Variants in RASGRP1 observed in about 807,000 individuals in gnomAD.
RASGRP1 encodes RAS guanyl releasing protein 1.
A neutral mutation model predicts 95.1 loss-of-function variants in RASGRP1; 37 were observed. The observed-to-expected ratio is 0.39, with a 90% CI of 0.30 to 0.51. The LOEUF (loss-of-function observed/expected upper bound fraction) is 0.51. Among genes scored for constraint, RASGRP1 ranks in the 20% least tolerant of loss-of-function variants. RASGRP1 has a pLI of 0.80. For synonymous variants in RASGRP1, 325 were observed against 353.4 expected, an observed-to-expected ratio of 0.92 and a Z score of 0.90; for missense variants, 711 against 965.4, an observed-to-expected ratio of 0.74 and a Z score of 3.49.
rs1280559371 is a variant in RASGRP1 at position 38,489,559 on chromosome 15, G to A, written c.*995C>T. 6.6e-6 allele frequency: 1 copy of A among 152,400 alleles called. No homozygotes were observed. The highest frequency in any genetic ancestry group is 1.5e-5 in the Non-Finnish European group (1 of 67,918). The allele number at this position is 152,400 out of a possible 1,614,324, so 9.4% of individuals were successfully genotyped here. ...TTGTATATACATATTATATACATAT[G>A]TACACACAGTCAGCTATTATTTAAG... On this transcript the variant is annotated 3_prime_UTR_variant, in exon 17 of 17. Transcript: ENST00000310803.
chr15:38,491,483 A>G (rs1036730854), intron 16 of RASGRP1, among the ~76,000 whole-genome samples: 3 of 152,234 alleles, frequency 2.0e-5, no homozygotes, highest in African/African-American at 4.8e-5. Context: ...ATGTTGCCGT[A>G]TAGTATAAAA....
At chr15:38,498,226 T>G (rs1595820763) in intron 15 of RASGRP1, among the ~76,000 whole-genome samples, 1 of 152,300 alleles carries the variant, frequency 6.6e-6, no homozygotes, top group East Asian at 1.9e-4. Flanking sequence ...TCTCTGTTAC[T>G]ATGCAGAAAT....
chr15:38,523,061 T>C (rs895031381), intron 3 of RASGRP1, among the ~76,000 whole-genome samples: 27 of 151,918 alleles, frequency 1.8e-4, no homozygotes, highest in Admixed American at 3.9e-4. Context: ...ATTTCTGAAG[T>C]AGAAACCCTA....
At chr15:38,514,634 G>A (rs1891686507) in intron 6 of RASGRP1, among the ~76,000 whole-genome samples, 1 of 152,158 alleles carries the variant, frequency 6.6e-6, no homozygotes, top group Non-Finnish European at 1.5e-5. Flanking sequence ...CCCTGAGATA[G>A]TCTTCTATGA....
intron 6 of RASGRP1, 112 bp from the exon 7 acceptor site, chr15:38,513,068 C>CA: frequency 8.7e-7 from 1 of 1,143,542 alleles, no homozygotes; most frequent in Non-Finnish European, 1.2e-6. Context: ...TGGGAACTGC[C>CA]ATGGAACAGA....
chr15:38,510,937 T>C (rs1247382834), intron 8 of RASGRP1, among the ~76,000 whole-genome samples: 2 of 152,184 alleles, frequency 1.3e-5, no homozygotes, highest in African/African-American at 2.4e-5. Flanking sequence ...TGCTCCAGCC[T>C]TGATGACAGA....
At chr15:38,497,520 A>G (rs1890841555) in intron 15 of RASGRP1, among the ~76,000 whole-genome samples, 1 of 151,934 alleles carries the variant, frequency 6.6e-6, no homozygotes, top group Non-Finnish European at 1.5e-5. Flanking sequence ...TTCCTTCAAG[A>G]CTTAGCTGAA....
At chr15:38,549,354 A>T (rs1893237942) in intron 2 of RASGRP1, among the ~76,000 whole-genome samples, 1 of 152,212 alleles carries the variant, frequency 6.6e-6, no homozygotes, top group Admixed American at 6.5e-5. Context: ...ATAGTCTATA[A>T]CTACATTCCA....
At chr15:38,502,928 G>C (rs1366272830) in intron 11 of RASGRP1, 2 of 314,456 alleles carry the variant, frequency 6.4e-6, no homozygotes, top group African/African-American at 4.3e-5. Context: ...ACAGAGAATT[G>C]AATTAAGCAG....
At position 38,498,782 on chromosome 15, in the gene RASGRP1, G is replaced by T. The variant is rs529927657; in HGVS notation, c.1873+12C>A. The stretch of plus-strand genomic sequence containing the variant: ...TCACTTTCCAAGATGAATGTTCCCA[G>T]TGCCTACTTACCATGGAGCAGATCT... On this transcript the variant is annotated intron_variant, in intron 15 of 16. Transcript: ENST00000310803. The T allele has an allele frequency of 6.2e-7, 1 of 1,610,212 alleles. No individual in the cohort carries two copies. Among genetic ancestry groups the T allele is most frequent in the South Asian group, 1.1e-5 (1 of 90,818 alleles).
chr15:38,509,571 A>G (rs1212906080), intron 8 of RASGRP1, among the ~76,000 whole-genome samples: 1 of 152,120 alleles, frequency 6.6e-6, no homozygotes, highest in African/African-American at 2.4e-5. Flanking sequence ...TACTAAAAAT[A>G]CAAAATTAAC....
At chr15:38,493,271 G>A (rs915089787) in intron 16 of RASGRP1, among the ~76,000 whole-genome samples, 43 of 144,026 alleles carry the variant, frequency 3.0e-4, no homozygotes, top group African/African-American at 1.0e-3. Flanking sequence ...TCCACCTCCC[G>A]GGTTCAAGTG....
chr15:38,509,604 T>TA (rs756970590), intron 8 of RASGRP1, among the ~76,000 whole-genome samples: 89 of 152,258 alleles, frequency 5.8e-4, no homozygotes, highest in Non-Finnish European at 1.0e-3. Flanking sequence ...CACACGCCTG[T>TA]AGTCCCAGCT....
Position 38,554,123 on chromosome 15 carries a change from G to A in RASGRP1, c.220+5698C>T, listed in dbSNP as rs117010632. On this transcript the variant is annotated intron_variant, in intron 2 of 16. Transcript: ENST00000310803. ...AACACACTCCCTGATTATTCCTCAC[G>A]CCAAAGTTGGAGAATCTCTGGAGTA... Among the ~76,000 whole-genome samples the A allele has an allele frequency of 5.7e-5, 8 of 140,976 alleles. No homozygotes were observed. The East Asian group carries it at 1.1e-3, about 19-fold the overall frequency. The allele number at this position is 140,976 out of a possible 152,430, so 92.5% of individuals were successfully genotyped here.
chr15:38,503,787 A>G (rs188877979), intron 10 of RASGRP1: 84 of 215,900 alleles, frequency 3.9e-4, no homozygotes, highest in African/African-American at 1.9e-3. Flanking sequence ...AGGCACAAGA[A>G]AAATCATCGG....
intron 1 of RASGRP1, among the ~76,000 whole-genome samples, chr15:38,561,018 A>C (rs1893787853): frequency 6.6e-6 from 1 of 152,210 alleles, no homozygotes; most frequent in African/African-American, 2.4e-5. Context: ...ATGGTTTAAT[A>C]GTGATGAGTG....
At chr15:38,501,312 G>A (rs976009007) in intron 12 of RASGRP1, 25 bp from the exon 13 acceptor site, 12 of 1,612,876 alleles carry the variant, frequency 7.4e-6, no homozygotes, top group East Asian at 2.2e-5. Flanking sequence ...CCAAGGCAAG[G>A]ATGTGAGTAT....
intron 2 of RASGRP1, among the ~76,000 whole-genome samples, chr15:38,530,265 A>G (rs1892385411): frequency 6.6e-6 from 1 of 152,174 alleles, no homozygotes; most frequent in African/African-American, 2.4e-5. Flanking sequence ...CTGAAGAGTA[A>G]CTGGAAATAC....
At chr15:38,532,978 TG>T (rs1472493639) in intron 2 of RASGRP1, among the ~76,000 whole-genome samples, 7 of 152,118 alleles carry the variant, frequency 4.6e-5, no homozygotes, top group African/African-American at 1.7e-4. Context: ...AGTGAAGGCT[TG>T]TCTGGGGGAT....
Sources: allele counts gnomAD v4.1 joint callset (sites outside exome capture counted in the v4.1 genomes callset), GRCh38; gene constraint gnomAD v4.1.1; transcripts MANE v1.5; gene names NCBI Gene and HGNC (gene_info 2026-07-23, HGNC 2026-07-21).